Variants in TMPRSS9 observed in about 807,000 individuals in gnomAD.
The protein encoded by TMPRSS9 is transmembrane protease serine 9.
A neutral mutation model predicts 111.4 loss-of-function variants in TMPRSS9; 113 were observed. The ratio of observed to expected loss-of-function variants is 1.01; its 90% CI spans 0.87 to 1.19. TMPRSS9 has a LOEUF of 1.19. TMPRSS9 is among the 50% of genes most tolerant of loss of function. The probability of loss-of-function intolerance (pLI) is 0.00; values close to 1 mark genes in which losing one functional copy is unlikely to be tolerated. For synonymous variants in TMPRSS9, 805 were observed against 659.1 expected, an observed-to-expected ratio of 1.22 and a Z score of -3.39; for missense variants, 1,803 against 1,513.1, an observed-to-expected ratio of 1.19 and a Z score of -3.18.
At chr19:2,382,697 GCA>G (rs1463191116) in intron 1 of TMPRSS9, among the ~76,000 whole-genome samples, 6 of 149,784 alleles carry the variant, frequency 4.0e-5, no homozygotes, top group African/African-American at 1.5e-4. Flanking sequence ...ATGCACACAT[GCA>G]CACACAAAAG....
At chr19:2,413,600 C>A (rs989716533) in intron 9 of TMPRSS9, 100 bp from the exon 11 acceptor site, 1 of 1,340,460 alleles carries the variant, frequency 7.5e-7, no homozygotes, top group African/African-American at 1.4e-5. Flanking sequence ...GGAGAGAGGT[C>A]CTGGCTGTCC....
intron 1 of TMPRSS9, among the ~76,000 whole-genome samples, chr19:2,365,978 A>C (rs1030113953): frequency 6.6e-6 from 1 of 151,072 alleles, no homozygotes; most frequent in Non-Finnish European, 1.5e-5. Context: ...TAAATAAATA[A>C]ATAATTTTAA....
intron 1 of TMPRSS9, among the ~76,000 whole-genome samples, chr19:2,378,844 CCTT>C (rs1324356967): frequency 5.9e-5 from 9 of 152,188 alleles, no homozygotes; most frequent in African/African-American, 2.2e-4. Context: ...GCAAACATGT[CCTT>C]CTTCACATGG....
At chr19:2,408,485 C>G in exon 8 of TMPRSS9, 1 of 1,613,972 alleles carries the variant, frequency 6.2e-7, no homozygotes, top group Non-Finnish European at 8.5e-7. Flanking sequence ...ACACGGCCGA[C>G]TTTGACGTGG....
exon 16 of TMPRSS9, chr19:2,425,187 T>G: frequency 6.5e-7 from 1 of 1,543,242 alleles, no homozygotes; most frequent in Non-Finnish European, 8.7e-7. Flanking sequence ...GTGCGTCCCA[T>G]CTGCCTGCCC....
chr19:2,366,792 G>A (rs1263510465), intron 1 of TMPRSS9, among the ~76,000 whole-genome samples: 1 of 149,498 alleles, frequency 6.7e-6, no homozygotes, highest in East Asian at 2.0e-4. Flanking sequence ...AGGAGGTGGA[G>A]CTTGCAGTGA....
At chr19:2,390,401 C>A (rs528358812) in intron 1 of TMPRSS9, among the ~76,000 whole-genome samples, 2 of 150,030 alleles carry the variant, frequency 1.3e-5, no homozygotes, top group East Asian at 2.0e-4. Context: ...CCGCCACCAC[C>A]CCCGGCTAAT....
chr19:2,408,276 C>A, intron 7 of TMPRSS9, 80 bp from the exon 9 acceptor site: 1 of 1,433,370 alleles, frequency 7.0e-7, no homozygotes, highest in Non-Finnish European at 9.6e-7. Flanking sequence ...TTACATTTTG[C>A]ACCCAAGGCG....
At chr19:2,387,041 C>G (rs1970491607), upstream of TMPRSS9, among the ~76,000 whole-genome samples, 1 of 151,878 alleles carries the variant, frequency 6.6e-6, no homozygotes, top group Non-Finnish European at 1.5e-5. Context: ...GGCAATGTAG[C>G]AAGATCCCCT....
At chr19:2,389,148 C>T (rs1452291713), upstream of TMPRSS9, among the ~76,000 whole-genome samples, 2 of 149,974 alleles carry the variant, frequency 1.3e-5, no homozygotes, top group South Asian at 4.3e-4. Context: ...ATCTCAGCTC[C>T]CTGCAACCTC....
chr19:2,399,721 A>AT (rs1046247681), intron 4 of TMPRSS9, among the ~76,000 whole-genome samples: 20 of 151,294 alleles, frequency 1.3e-4, no homozygotes, highest in South Asian at 6.3e-4. Context: ...TTTCTTTTCC[A>AT]TTTTTTTTAT....
At chr19:2,423,061 A>T (rs906140049) in intron 14 of TMPRSS9, among the ~76,000 whole-genome samples, 14 of 119,446 alleles carry the variant, frequency 1.2e-4, no homozygotes, top group East Asian at 4.2e-4. Context: ...TAAAAAAATT[A>T]AAAAAAAAAA....
chr19:2,418,210 T>G (rs1325935425), intron 13 of TMPRSS9, 72 bp downstream of exon 14: 2 of 1,558,204 alleles, frequency 1.3e-6, no homozygotes, highest in Non-Finnish European at 1.8e-6. Flanking sequence ...AGCAGTTCTT[T>G]GTGTGCAGAC....
intron 4 of TMPRSS9, among the ~76,000 whole-genome samples, chr19:2,399,921 G>C (rs1223299102): frequency 6.6e-6 from 1 of 152,068 alleles, no homozygotes; most frequent in Non-Finnish European, 1.5e-5. Flanking sequence ...AGTGAGATGG[G>C]GTTTCACCAT....
chr19:2,422,332 C>T, intron 14 of TMPRSS9, 85 bp downstream of exon 15: 1 of 1,428,536 alleles, frequency 7.0e-7, no homozygotes, highest in Non-Finnish European at 9.1e-7. Flanking sequence ...TAACGTCGTC[C>T]ACTTTGGGAG....
chr19:2,399,376 G>A (rs1224730806), intron 4 of TMPRSS9, among the ~76,000 whole-genome samples, 183 bp downstream of exon 5: 1 of 152,156 alleles, frequency 6.6e-6, no homozygotes, highest in Non-Finnish European at 1.5e-5. Context: ...CTGAGGTCAG[G>A]AGTTTGAGAC....
At chr19:2,407,780 G>A (rs1015972938) in intron 7 of TMPRSS9, among the ~76,000 whole-genome samples, 6 of 147,248 alleles carry the variant, frequency 4.1e-5, no homozygotes, top group African/African-American at 7.5e-5. Flanking sequence ...GCCACACCCC[G>A]CTAATATATA....
At chr19:2,419,660 G>C (rs908951468) in intron 13 of TMPRSS9, among the ~76,000 whole-genome samples, 4 of 151,972 alleles carry the variant, frequency 2.6e-5, no homozygotes, top group African/African-American at 9.7e-5. Flanking sequence ...GGGACTACAG[G>C]CATGTGCCTC....
rs1374536085 is a variant in TMPRSS9 at position 2,425,519 on chromosome 19, C to G, written c.3120+26C>G. ...GTGAGCCCCGCCCCGGCCCAGGGGA[C>G]CAGGTCCCGCCCAGCCGCCGGGGAG... On this transcript the variant is annotated intron_variant, in intron 17 of 17. Coordinates refer to ENST00000648592, the Ensembl canonical transcript of TMPRSS9. 2.6e-6 allele frequency: 4 copies of G among 1,529,028 alleles called. No individual in the cohort carries two copies. The East Asian group carries it at 7.3e-5, about 28-fold the overall frequency. The allele number at this position is 1,529,028 out of a possible 1,614,324, so 94.7% of individuals were successfully genotyped here. A position where few individuals can be genotyped will look rare whatever the true frequency, so the allele number is the denominator to read the frequency against.
Sources: allele counts gnomAD v4.1 joint callset (sites outside exome capture counted in the v4.1 genomes callset), GRCh38; gene constraint gnomAD v4.1.1; transcripts MANE v1.5; gene names NCBI Gene and HGNC (gene_info 2026-07-23, HGNC 2026-07-21).